The following PTPRD variants were observed in gnomAD, a reference collection of about 807,000 sequenced individuals.
PTPRD encodes the protein receptor-type tyrosine-protein phosphatase delta.
Under a neutral mutation model 214.5 loss-of-function variants are expected in PTPRD, and 34 were observed. The ratio of observed to expected loss-of-function variants is 0.16; its 90% CI spans 0.12 to 0.21. The LOEUF (loss-of-function observed/expected upper bound fraction) is 0.21, where lower values mean the gene tolerates loss of function less well. PTPRD is among the 10% of genes least tolerant of loss of function. The pLI is 1.00. For missense variants in PTPRD, 2,545 were observed against 2,398.7 expected (o/e 1.06, Z -1.27); for synonymous variants, 1,128 against 845.7 (o/e 1.33, Z -5.79).
intron 14 of PTPRD, among the ~76,000 whole-genome samples, chr9:8,535,206 C>A (rs977933154): frequency 6.6e-6 from 1 of 151,866 alleles, no homozygotes; most frequent in African/African-American, 2.4e-5. Context: ...TTATTCCAAG[C>A]TCCATCAATA....
intron 10 of PTPRD, among the ~76,000 whole-genome samples, chr9:9,060,591 T>C (rs2099705275): frequency 6.6e-6 from 1 of 152,046 alleles, no homozygotes; most frequent in Admixed American, 6.6e-5. Flanking sequence ...TAAGAGAAGA[T>C]ATTTTTCACA....
chr9:8,935,435 T>G (rs2098990410), intron 11 of PTPRD, among the ~76,000 whole-genome samples: 2 of 97,504 alleles, frequency 2.1e-5, no homozygotes, highest in Admixed American at 1.0e-4. Flanking sequence ...TAGAAAACAC[T>G]GTGGTGCCTA....
intron 2 of PTPRD, among the ~76,000 whole-genome samples, chr9:10,481,755 A>G (rs566357134): frequency 6.6e-5 from 10 of 152,308 alleles, no homozygotes; most frequent in African/African-American, 2.2e-4. Flanking sequence ...TTGGCTAAAA[A>G]TCTCAGAATA....
chr9:10,016,066 A>G (rs2096705600), intron 4 of PTPRD, among the ~76,000 whole-genome samples: 1 of 152,146 alleles, frequency 6.6e-6, no homozygotes, highest in Non-Finnish European at 1.5e-5. Context: ...GTCCCTCAGA[A>G]CCTGGAAATA....
At chr9:8,618,503 T>TA (rs2095687712) in intron 14 of PTPRD, among the ~76,000 whole-genome samples, 1 of 152,080 alleles carries the variant, frequency 6.6e-6, no homozygotes, top group Admixed American at 6.6e-5. Flanking sequence ...GAAAGAGGAC[T>TA]AATTACTTGC....
chr9:9,320,393 G>A (rs917499764), intron 9 of PTPRD, among the ~76,000 whole-genome samples: 1 of 152,062 alleles, frequency 6.6e-6, no homozygotes, highest in African/African-American at 2.4e-5. Context: ...TACACAAAAA[G>A]TTAAGCCTAT....
chr9:9,396,372 A>T (rs1452493511), intron 9 of PTPRD, among the ~76,000 whole-genome samples: 2 of 152,086 alleles, frequency 1.3e-5, no homozygotes, highest in Non-Finnish European at 2.9e-5. Context: ...ACTTCAGCTC[A>T]GATTCTAAAT....
intron 14 of PTPRD, among the ~76,000 whole-genome samples, chr9:8,548,326 GA>G (rs2080891628): frequency 6.6e-6 from 1 of 152,070 alleles, no homozygotes; most frequent in African/African-American, 2.4e-5. Context: ...AAGCTGGAAG[GA>G]ATCTGGGGTT....
chr9:9,999,621 C>G (rs1403556014), intron 4 of PTPRD, among the ~76,000 whole-genome samples: 1 of 152,170 alleles, frequency 6.6e-6, no homozygotes. Flanking sequence ...AGTCACGCTA[C>G]TATTTGCAAT....
At chr9:8,760,372 C>A (rs1480259800) in intron 11 of PTPRD, among the ~76,000 whole-genome samples, 1 of 151,962 alleles carries the variant, frequency 6.6e-6, no homozygotes, top group African/African-American at 2.4e-5. Context: ...TGTTTGGTTT[C>A]TTATTTCACT....
chr9:9,989,673 G>A (rs1216585993), intron 4 of PTPRD, among the ~76,000 whole-genome samples: 1 of 152,184 alleles, frequency 6.6e-6, no homozygotes, highest in Non-Finnish European at 1.5e-5. Context: ...GGTGCAAGAG[G>A]CTGTCGCATT....
At chr9:10,450,003 G>C (rs917376083) in intron 2 of PTPRD, among the ~76,000 whole-genome samples, 1 of 151,360 alleles carries the variant, frequency 6.6e-6, no homozygotes, top group Non-Finnish European at 1.5e-5. Flanking sequence ...GATTAAGGGC[G>C]GTGCAAGATG....
At chr9:9,346,765 T>C (rs562566741) in intron 9 of PTPRD, among the ~76,000 whole-genome samples, 2 of 152,238 alleles carry the variant, frequency 1.3e-5, no homozygotes, top group East Asian at 1.9e-4. Context: ...CTATCTCAGC[T>C]CACTGCAACC....
At chr9:10,025,760 G>A (rs1372235) in intron 4 of PTPRD, among the ~76,000 whole-genome samples, 82,790 of 151,992 alleles carry the variant, frequency 0.54, 23,527 homozygotes, top group South Asian at 0.65. Flanking sequence ...CGCCTCCACT[G>A]ACTTTAAAGA....
chr9:9,831,474 A>G (rs912933412), intron 5 of PTPRD, among the ~76,000 whole-genome samples: 5 of 151,944 alleles, frequency 3.3e-5, no homozygotes, highest in African/African-American at 1.2e-4. Flanking sequence ...CCAATCATCT[A>G]AAGTTTCTGC....
chr9:8,670,585 A>G (rs142540146), intron 12 of PTPRD, among the ~76,000 whole-genome samples: 184 of 152,350 alleles, frequency 1.2e-3, no homozygotes, highest in African/African-American at 4.1e-3. Context: ...CTATATATCT[A>G]TAAGTATCCC....
At chr9:10,083,607 A>T (rs2098278664) in intron 3 of PTPRD, among the ~76,000 whole-genome samples, 1 of 152,140 alleles carries the variant, frequency 6.6e-6, no homozygotes, top group Non-Finnish European at 1.5e-5. Context: ...GTGGAAGATG[A>T]CACAATAGAA....
intron 11 of PTPRD, among the ~76,000 whole-genome samples, chr9:8,784,939 A>G (rs2095876692): frequency 6.6e-6 from 1 of 152,174 alleles, no homozygotes; most frequent in Non-Finnish European, 1.5e-5. Context: ...GATAAGGTCA[A>G]ATTTTCTTCA....
At chr9:9,549,867 G>A (rs1011320005) in intron 8 of PTPRD, among the ~76,000 whole-genome samples, 2 of 151,864 alleles carry the variant, frequency 1.3e-5, no homozygotes, top group African/African-American at 4.8e-5. Context: ...GAATATCTTG[G>A]GATCTAGGGC....
Sources: allele counts gnomAD v4.1 joint callset (sites outside exome capture counted in the v4.1 genomes callset), GRCh38; gene constraint gnomAD v4.1.1; transcripts MANE v1.5; gene names NCBI Gene and HGNC (gene_info 2026-07-23, HGNC 2026-07-21).